SEMA3A: variants seen among roughly 807,000 people sequenced by gnomAD.
SEMA3A encodes semaphorin 3A, also known as semaphorin-3A.
SEMA3A carries 29 observed loss-of-function variants against 97.9 expected under a neutral mutation model. The ratio of observed to expected loss-of-function variants is 0.30; its 90% CI spans 0.22 to 0.40. SEMA3A has a LOEUF of 0.40. Among genes scored for constraint, SEMA3A ranks in the 10% least tolerant of loss-of-function variants. The probability of loss-of-function intolerance (pLI) is 1.00; values close to 1 mark genes in which losing one functional copy is unlikely to be tolerated. For synonymous variants in SEMA3A, 321 were observed against 323.7 expected (o/e 0.99, Z 0.09); for missense variants, 763 against 951.3 (o/e 0.80, Z 2.60).
In SEMA3A at chr7:83,957,160, T is replaced by C. The variant is rs1438266537; in HGVS notation, c.*4211A>G. On this transcript the variant is annotated 3_prime_UTR_variant, in exon 17 of 17. Coordinates refer to ENST00000265362, the MANE Select transcript of SEMA3A (RefSeq NM_006080.3). ...ATTGGGGTAGTGTGACAATAAAAGG[T>C]ATATACAAGGCACAGGTTTAGCATA... is the stretch of plus-strand genomic sequence containing the variant. 1 of 151,996 alleles carries C rather than the reference T, an allele frequency of 6.6e-6. No homozygotes were observed. The highest frequency in any genetic ancestry group is 1.9e-4 in the East Asian group (1 of 5,184). The allele number at this position is 151,996 out of a possible 1,614,324, so 9.4% of individuals were successfully genotyped here. A position where few individuals can be genotyped will look rare whatever the true frequency, so the allele number is the denominator to read the frequency against.
chr7:84,190,250 T>C lies in SEMA3A; in HGVS notation c.112+4225A>G, dbSNP rs997371180. On this transcript the variant is annotated intron_variant, in intron 1 of 16. Coordinates refer to ENST00000265362, the MANE Select transcript of SEMA3A (RefSeq NM_006080.3). Reference sequence around the variant, plus strand: ...AAGCCCTCATCTGATCTGACCAGCATTGAATCACAAGATGTGTGACTAAGT... The same window carrying C: ...AAGCCCTCATCTGATCTGACCAGCACTGAATCACAAGATGTGTGACTAAGT... Among the ~76,000 whole-genome samples the C allele has an allele frequency of 7.9e-5, 12 of 151,826 alleles. 1 individual carries two copies. The highest frequency in any genetic ancestry group is 1.3e-4 in the Admixed American group (2 of 15,204).
chr7:84,146,662 C>A (rs918255274), intron 1 of SEMA3A, among the ~76,000 whole-genome samples: 4 of 152,108 alleles, frequency 2.6e-5, no homozygotes, highest in Middle Eastern at 3.2e-3. Context: ...ATAATTCAAA[C>A]GTGCATTGCT....
At chr7:84,129,786 G>A (rs1795909365) in intron 2 of SEMA3A, among the ~76,000 whole-genome samples, 1 of 150,882 alleles carries the variant, frequency 6.6e-6, no homozygotes, top group African/African-American at 2.4e-5. Flanking sequence ...GAGAAATAAA[G>A]GTAGACTGAA....
intron 1 of SEMA3A, among the ~76,000 whole-genome samples, chr7:84,409,867 A>C (rs1417171944): frequency 1.3e-5 from 2 of 152,096 alleles, no homozygotes; most frequent in South Asian, 2.1e-4. Flanking sequence ...TATTTATTAG[A>C]TATTTATGCA....
intron 2 of SEMA3A, among the ~76,000 whole-genome samples, chr7:84,343,262 T>C (rs1802216741): frequency 6.6e-6 from 1 of 152,142 alleles, no homozygotes; most frequent in Non-Finnish European, 1.5e-5. Flanking sequence ...TTATAAATGG[T>C]AGTTGAATTG....
intron 1 of SEMA3A, among the ~76,000 whole-genome samples, chr7:84,456,310 T>C (rs1805683244): frequency 6.6e-6 from 1 of 151,896 alleles, no homozygotes; most frequent in South Asian, 2.1e-4. Context: ...AGTCTTAATA[T>C]GGTAAAATCT....
At chr7:84,101,195 T>C (rs1794949816) in intron 4 of SEMA3A, among the ~76,000 whole-genome samples, 1 of 152,220 alleles carries the variant, frequency 6.6e-6, no homozygotes, top group Admixed American at 6.5e-5. Context: ...TGCATGTGTA[T>C]GCTTTTACAG....
chr7:84,001,153 C>T (rs964565981), intron 12 of SEMA3A, among the ~76,000 whole-genome samples: 2 of 151,832 alleles, frequency 1.3e-5, no homozygotes, highest in Non-Finnish European at 2.9e-5. Context: ...CATTTACAGG[C>T]ATGTATTTTT....
At chr7:84,284,995 C>T (rs529782925) in intron 3 of SEMA3A, among the ~76,000 whole-genome samples, 5 of 152,252 alleles carry the variant, frequency 3.3e-5, no homozygotes, top group African/African-American at 1.2e-4. Context: ...ACAGGGAAAA[C>T]AGCAGGTCTC....
chr7:83,985,365 T>C (rs2116329483), intron 13 of SEMA3A, 71 bp downstream of exon 13: 4 of 1,040,278 alleles, frequency 3.8e-6, no homozygotes, highest in South Asian at 2.9e-5. Flanking sequence ...ATTTGATAAA[T>C]AGATATATCT....
At chr7:84,015,472 A>G (rs1410378859) in intron 6 of SEMA3A, among the ~76,000 whole-genome samples, 4 of 152,190 alleles carry the variant, frequency 2.6e-5, no homozygotes, top group South Asian at 2.1e-4. Context: ...ACTATATAAA[A>G]TATGTAATAG....
chr7:84,191,288 T>A (rs1798031766), intron 1 of SEMA3A, among the ~76,000 whole-genome samples: 1 of 151,224 alleles, frequency 6.6e-6, no homozygotes. Context: ...GGCCTACCAC[T>A]TTTTAAAGTG....
In SEMA3A at chr7:84,086,502, TTATTA is replaced by T. The variant is rs1177207411; in HGVS notation, c.453+23963_453+23967del. Among the ~76,000 whole-genome samples, 200 of 49,658 alleles carry T rather than the reference TTATTA, an allele frequency of 4.0e-3. 1 individual carries two copies. Among genetic ancestry groups the T allele is most frequent in the African/African-American group, 7.5e-3 (183 of 24,384 alleles). 32.6% of individuals were successfully genotyped at this position (49,658 alleles called of 152,430 possible). On this transcript the variant is annotated intron_variant, in intron 4 of 16. Transcript: ENST00000265362. ...TTATATTATATTTACATATAATATA[TTATTA>T]TATTATATTTATATATAATATATTA...
intron 4 of SEMA3A, among the ~76,000 whole-genome samples, chr7:84,064,788 C>G (rs1267598260): frequency 6.6e-6 from 1 of 150,748 alleles, no homozygotes. Context: ...GAGTGACCTA[C>G]AAAGAGACTT....
chr7:84,249,067 T>C (rs1387374161), intron 3 of SEMA3A, among the ~76,000 whole-genome samples: 1 of 152,192 alleles, frequency 6.6e-6, no homozygotes, highest in African/African-American at 2.4e-5. Flanking sequence ...CGCTTCCCTG[T>C]TTCAGAAGAA....
At chr7:83,997,391 G>T (rs1442690604) in intron 12 of SEMA3A, among the ~76,000 whole-genome samples, 1 of 152,050 alleles carries the variant, frequency 6.6e-6, no homozygotes, top group African/African-American at 2.4e-5. Flanking sequence ...AATGTGTTGT[G>T]GGTTTTTTTC....
At chr7:84,367,515 G>T (rs1020411239) in intron 2 of SEMA3A, among the ~76,000 whole-genome samples, 9 of 150,588 alleles carry the variant, frequency 6.0e-5, no homozygotes, top group Non-Finnish European at 1.0e-4. Flanking sequence ...TCAAATGACA[G>T]ATTTGCCACA....
chr7:84,340,491 T>C (rs938399424), intron 2 of SEMA3A, among the ~76,000 whole-genome samples: 1 of 152,022 alleles, frequency 6.6e-6, no homozygotes, highest in African/African-American at 2.4e-5. Context: ...TGAAAATGCA[T>C]CAAAAGCCTT....
rs570018272 is a variant in SEMA3A at position 84,435,585 on chromosome 7, C to T, written c.-246+56875G>A. On this transcript the variant is annotated intron_variant, in intron 1 of 3. Coordinates refer to the SEMA3A transcript ENST00000424555. The stretch of plus-strand genomic sequence containing the variant: ...ATCGGGCCAATGCCCTCCAGCCTGG[C>T]GACAGAGAGAAATTCTGTCAAAACA... Among the ~76,000 whole-genome samples, 17 of 152,060 alleles carry T rather than the reference C, an allele frequency of 1.1e-4. No homozygotes were observed. The South Asian group carries it at 2.1e-3, about 19-fold the overall frequency.
Sources: gnomAD v4.1 joint callset for allele counts (sites outside exome capture counted in the v4.1 genomes callset) on GRCh38, gnomAD v4.1.1 for gene constraint, MANE v1.5 for transcripts, NCBI Gene and HGNC (gene_info 2026-07-23, HGNC 2026-07-21) for gene names.